The following TCHH variants were observed in gnomAD, a reference collection of about 807,000 sequenced individuals.
TCHH encodes trichohyalin.
In TCHH, 6 loss-of-function variants were observed where a neutral mutation model predicts 6.3. The observed-to-expected ratio is 0.95, with a 90% CI of 0.52 to 1.88. The LOEUF (loss-of-function observed/expected upper bound fraction) is 1.88, where lower values mean the gene tolerates loss of function less well. Among genes scored for constraint, TCHH ranks in the 40% most tolerant of loss-of-function variants. The pLI, the probability that TCHH is intolerant of heterozygous loss-of-function variation, is 0.01. For missense variants in TCHH, 2,920 were observed against 2,449.1 expected, an observed-to-expected ratio of 1.19 and a Z score of -4.06; for synonymous variants, 1,087 against 963.6, an observed-to-expected ratio of 1.13 and a Z score of -2.37.
chr1:152,114,079 ATT>A lies in TCHH; in HGVS notation c.-1_1del. The A allele has an allele frequency of 6.3e-7, 1 of 1,587,158 alleles. No individual in the cohort carries two copies. The highest frequency in any genetic ancestry group is 1.2e-5 in the South Asian group (1 of 86,126). On this transcript the variant is annotated start_lost and start_retained_variant and 5_prime_UTR_variant, in exon 2 of 3. Coordinates refer to ENST00000614923, the MANE Select transcript of TCHH (RefSeq NM_007113.4). ...ACAGATGCTTCTCAGAAGTGGAGAC[ATT>A]TTTTTTTCTTTCCTTCAAGTTCAAG... is the stretch of plus-strand genomic sequence containing the variant.
In TCHH at chr1:152,108,756, G is replaced by A. The variant is rs1557808958; in HGVS notation, c.4461C>T (p.Phe1487=). 1.2e-6 allele frequency: 2 copies of A among 1,611,852 alleles called. No homozygotes were observed. Among genetic ancestry groups the A allele is most frequent in the Non-Finnish European group, 8.5e-7 (1 of 1,179,518 alleles). ...QLHRQERDRK[F]LEEEQQLRRQ... ...GGCGCAGCTGTTGTTCCTCCTCCAGGAATTTTCTGTCACGCTCTTGGCGGT... is the reference window on the plus strand; with the variant it reads ...GGCGCAGCTGTTGTTCCTCCTCCAGAAATTTTCTGTCACGCTCTTGGCGGT... The change falls in exon 3 of 3, where the codon TTC becomes TTT. Residue 1487 remains phenylalanine (F), a synonymous_variant. Transcript: ENST00000614923.
rs1226480094 is a variant in TCHH at position 152,107,707 on chromosome 1, A to T, written c.5510T>A (p.Leu1837Gln). Residue 1837 changes from leucine (L) to glutamine (Q), a missense_variant, in exon 3 of 3, where the codon CTG (leucine) becomes CAG (glutamine). Transcript: ENST00000614923. The stretch of plus-strand genomic sequence containing the variant: ...GTACTGCCGGTCTCGCTCCTGCCGC[A>T]GCCTCTGCTCTTGTTCCTCAAGTTG... ...QLQLEEQEQR[L>Q]RQERDRQYRA... 1.9e-6 allele frequency: 3 copies of T among 1,613,308 alleles called. No individual in the cohort carries two copies. The highest frequency in any genetic ancestry group is 3.3e-5 in the Admixed American group (2 of 59,980).
Position 152,109,225 on chromosome 1 carries a change from C to G in TCHH, c.3992G>C (p.Arg1331Pro), listed in dbSNP as rs147036704. The change falls in exon 3 of 3, where the codon CGT becomes CCT. Residue 1331 changes from arginine to proline, a missense_variant. Physicochemically the swap from Arg to Pro is moderately radical, Grantham distance 103 (BLOSUM62 -2). Coordinates refer to ENST00000614923, the MANE Select transcript of TCHH (RefSeq NM_007113.4). ...LREEREEKRRRQETDRKFREE... is the reference protein window; with the variant it reads ...LREEREEKRRPQETDRKFREE... ...GCGGAATTTTCTGTCTGTCTCTTGACGGCGTCTCTTCTCTTCTCTTTCCTC... is the reference window on the plus strand; with the variant it reads ...GCGGAATTTTCTGTCTGTCTCTTGAGGGCGTCTCTTCTCTTCTCTTTCCTC... 733 of 1,614,244 alleles carry G rather than the reference C, an allele frequency of 4.5e-4. 8 individuals are homozygous for G. In the East Asian group the frequency reaches 0.012, roughly 26 times the overall value.
At position 152,109,929 on chromosome 1, in the gene TCHH, C is replaced by G. The variant is rs778044635; in HGVS notation, c.3288G>C (p.Glu1096Asp). Residue 1096 changes from glutamate to aspartate, a missense_variant, in exon 3 of 3, where the codon GAG becomes GAC. Coordinates refer to ENST00000614923, the MANE Select transcript of TCHH (RefSeq NM_007113.4). Reference sequence around the variant, plus strand: ...CCTGGCGCCTTCTCTTCTCCGGTTCCTCTCTCAGCAGCTGCTCTTCCTCCT... The same window carrying G: ...CCTGGCGCCTTCTCTTCTCCGGTTCGTCTCTCAGCAGCTGCTCTTCCTCCT... ...LQQEEEQLLR[E>D]EPEKRRRQER... 6.3e-7 allele frequency: 1 copy of G among 1,592,184 alleles called. No homozygotes were observed. Among genetic ancestry groups the G allele is most frequent in the Non-Finnish European group, 8.5e-7 (1 of 1,171,278 alleles).
Position 152,107,305 on chromosome 1 carries a change from G to A in TCHH, c.*80C>T. 7.3e-7 allele frequency: 1 copy of A among 1,362,184 alleles called. No homozygotes were observed. The highest frequency in any genetic ancestry group is 9.9e-7 in the Non-Finnish European group (1 of 1,005,700). The allele number at this position is 1,362,184 out of a possible 1,614,324, so 84.4% of individuals were successfully genotyped here. A position where few individuals can be genotyped will look rare whatever the true frequency, so the allele number is the denominator to read the frequency against. On this transcript the variant is annotated 3_prime_UTR_variant, in exon 3 of 3. Coordinates refer to ENST00000614923, the MANE Select transcript of TCHH (RefSeq NM_007113.4). Reference sequence around the variant, plus strand: ...AGTTTTCCCACAACCAGAAACATCTGAGTTATCACTTGGTACCCAGTGTTT... The same window carrying A: ...AGTTTTCCCACAACCAGAAACATCTAAGTTATCACTTGGTACCCAGTGTTT...
rs768766096 is a variant in TCHH, at chr1:152,107,710, C to T, written c.5507G>A (p.Arg1836Lys). Residue 1836 changes from arginine to lysine, a missense_variant, in exon 3 of 3, where the codon AGG (arginine) becomes AAG (lysine). Coordinates refer to ENST00000614923, the MANE Select transcript of TCHH (RefSeq NM_007113.4). ...CTGCCGGTCTCGCTCCTGCCGCAGC[C>T]TCTGCTCTTGTTCCTCAAGTTGGAG... ...EQLQLEEQEQ[R>K]LRQERDRQYR... The T allele has an allele frequency of 9.3e-6, 15 of 1,614,236 alleles. No individual in the cohort carries two copies. The South Asian group carries it at 1.6e-4, about 18-fold the overall frequency.
In TCHH at chr1:152,108,214, T is replaced by C. The variant is rs1336191692; in HGVS notation, c.5003A>G (p.Lys1668Arg). Residue 1668 changes from lysine (K) to arginine (R), a missense_variant, in exon 3 of 3, where the codon AAA (lysine) becomes AGA (arginine). Transcript: ENST00000614923. ...EQQLRHDRDR[K>R]FREEEQLLQE... ...GAGCAGCTGTTCCTCTTCACGGAATTTTCTGTCGCGGTCGTGACGCAGCTG... is the reference window on the plus strand; with the variant it reads ...GAGCAGCTGTTCCTCTTCACGGAATCTTCTGTCGCGGTCGTGACGCAGCTG... 1 of 1,607,882 alleles carries C rather than the reference T, an allele frequency of 6.2e-7. No individual in the cohort carries two copies.
In TCHH at chr1:152,107,906, T is replaced by C. The variant is rs1334526169; in HGVS notation, c.5311A>G (p.Arg1771Gly). The change falls in exon 3 of 3, where the codon AGA becomes GGA. Residue 1771 changes from arginine to glycine, a missense_variant. Arg to Gly is a moderately radical substitution (Grantham distance 125, BLOSUM62 -2). Coordinates refer to ENST00000614923, the MANE Select transcript of TCHH (RefSeq NM_007113.4). Reference sequence around the variant, plus strand: ...AGCTGTTCCTCCTCGCGGAATTTTCTGTCGCGCTCCTGGCGGCGCAGCTGC... The same window carrying C: ...AGCTGTTCCTCCTCGCGGAATTTTCCGTCGCGCTCCTGGCGGCGCAGCTGC... ...EQQLRRQERD[R>G]KFREEEQLRQ... is the part of the protein sequence containing the mutation. 6.2e-7 allele frequency: 1 copy of C among 1,613,782 alleles called. No individual in the cohort carries two copies. Among genetic ancestry groups the C allele is most frequent in the Admixed American group, 1.7e-5 (1 of 59,994 alleles).
At position 152,112,914 on chromosome 1, in the gene TCHH, G is replaced by T. The variant is rs776147739; in HGVS notation, c.303C>A (p.Ala101=). ...ACAGGCTCTCCTTTCCGTCACACCG[G>T]GCTCGCTTCTCCTCATCCAGTCCCG... The part of the protein sequence containing the change: ...QATGLDEEKR[A]RCDGKESLLQ... The change falls in exon 3 of 3, where the codon GCC becomes GCA. Residue 101 remains alanine, a synonymous_variant. Transcript: ENST00000614923. 2 of 1,613,686 alleles carry T rather than the reference G, an allele frequency of 1.2e-6. No homozygotes were observed. The highest frequency in any genetic ancestry group is 4.5e-5 in the East Asian group (2 of 44,828).
In TCHH at chr1:152,110,932, T is replaced by G; in HGVS notation, c.2285A>C (p.Glu762Ala). ...CTGCCATGTGAAGTCCCGGCGCTGC[T>G]CCTCTTCCTGCTGCTGCCGGTGAGC... ...ERAHRQQQEEEQRRDFTWQWQ... is the reference protein window; with the variant it reads ...ERAHRQQQEEAQRRDFTWQWQ... The change falls in exon 3 of 3, where the codon GAG becomes GCG. Residue 762 changes from glutamate (E) to alanine (A), a missense_variant. Physicochemically the swap from Glu to Ala is moderately radical, Grantham distance 107. Transcript: ENST00000614923. The G allele has an allele frequency of 6.2e-7, 1 of 1,613,220 alleles. No homozygotes were observed. Among genetic ancestry groups the G allele is most frequent in the African/African-American group, 1.3e-5 (1 of 74,982 alleles).
Position 152,109,154 on chromosome 1 carries a change from G to T in TCHH, c.4063C>A (p.Arg1355Ser). The change falls in exon 3 of 3, where the codon CGC (arginine) becomes AGC (serine). Residue 1355 changes from arginine (R) to serine (S), a missense_variant. Physicochemically the swap from Arg to Ser is moderately radical, Grantham distance 110. Coordinates refer to ENST00000614923, the MANE Select transcript of TCHH (RefSeq NM_007113.4). The part of the protein sequence containing the change: ...LQEREEQPLR[R>S]QERDRKFREE... ...CGGAATTTTCTGTCACGCTCTTGGCGGCGCAGCGGCTGTTCCTCCCTTTCC... is the reference window on the plus strand; with the variant it reads ...CGGAATTTTCTGTCACGCTCTTGGCTGCGCAGCGGCTGTTCCTCCCTTTCC... The T allele has an allele frequency of 6.2e-7, 1 of 1,613,870 alleles. No homozygotes were observed. Among genetic ancestry groups the T allele is most frequent in the Non-Finnish European group, 8.5e-7 (1 of 1,179,782 alleles).
rs1470231217 is a variant in TCHH at position 152,110,654 on chromosome 1, C to T, written c.2563G>A (p.Gly855Ser). 4 of 1,613,800 alleles carry T rather than the reference C, an allele frequency of 2.5e-6. No homozygotes were observed. Among genetic ancestry groups the T allele is most frequent in the East Asian group, 2.2e-5 (1 of 44,854 alleles). ...RAQQLQEEED[G>S]LQEDQERRRS... ...CTCCTCTCCTGATCCTCCTGGAGGCCGTCCTCCTCCTCCTGGAGCTGTTGG... is the reference window on the plus strand; with the variant it reads ...CTCCTCTCCTGATCCTCCTGGAGGCTGTCCTCCTCCTCCTGGAGCTGTTGG... The change falls in exon 3 of 3, where the codon GGC becomes AGC. Residue 855 changes from glycine (G) to serine (S), a missense_variant. Transcript: ENST00000614923.
In TCHH at chr1:152,113,963, C is replaced by G. The variant is rs1264305416; in HGVS notation, c.118G>C (p.Glu40Gln). 6.2e-7 allele frequency: 1 copy of G among 1,613,396 alleles called. No individual in the cohort carries two copies. Among genetic ancestry groups the G allele is most frequent in the Non-Finnish European group, 8.5e-7 (1 of 1,179,724 alleles). ...KKDLKNLLER[E>Q]FGAVLRRPHD... ...CTTACCCGAAGCACAGCTCCAAATT[C>G]CCTTTCAAGGAGGTTCTTCAGGTCT... is the stretch of plus-strand genomic sequence containing the variant. Residue 40 changes from glutamate (E) to glutamine (Q), a missense_variant, in exon 2 of 3, where the codon GAA becomes CAA. Glu to Gln is a conservative substitution (Grantham distance 29, BLOSUM62 2). Coordinates refer to ENST00000614923, the MANE Select transcript of TCHH (RefSeq NM_007113.4).
In TCHH at chr1:152,111,153, C is replaced by T. The variant is rs1658327283; in HGVS notation, c.2064G>A (p.Glu688=). Residue 688 remains glutamate, a synonymous_variant, in exon 3 of 3, where the codon GAG becomes GAA. Transcript: ENST00000614923. ...TCCGCTCCCGGGCCTGTTCCTGCTC[C>T]TCCTCAGCTAGCTCCTGCTCGCGCC... is the stretch of plus-strand genomic sequence containing the variant. ...EERREQELAE[E]EQEQARERIK... is the part of the protein sequence containing the mutation. The T allele has an allele frequency of 1.2e-6, 2 of 1,613,798 alleles. No individual in the cohort carries two copies. The highest frequency in any genetic ancestry group is 1.3e-5 in the African/African-American group (1 of 74,910).
rs2101527399 is a variant in TCHH, at chr1:152,109,782, C to T, written c.3435G>A (p.Glu1145=). Residue 1145 remains glutamate (E), a synonymous_variant, in exon 3 of 3, where the codon GAG becomes GAA. Coordinates refer to ENST00000614923, the MANE Select transcript of TCHH (RefSeq NM_007113.4). ...GCAGCTGCTCTTCCTCCTGCTGCAC[C>T]TCCTCTTCCTCCCGATATTGCCTCT... ...ELERQYREEE[E]VQQEEEQLLR... is the part of the protein sequence containing the mutation. 2 of 1,584,038 alleles carry T rather than the reference C, an allele frequency of 1.3e-6. No individual in the cohort carries two copies. Among genetic ancestry groups the T allele is most frequent in the South Asian group, 2.2e-5 (2 of 89,250 alleles).
rs377303180 is a variant in TCHH at position 152,111,241 on chromosome 1, A to G, written c.1976T>C (p.Leu659Pro). Residue 659 changes from leucine (L) to proline (P), a missense_variant, in exon 3 of 3, where the codon CTG becomes CCG. By Grantham distance (98) the Leu-to-Pro change is moderately conservative (BLOSUM62 -3). Transcript: ENST00000614923. ...CCTCTCTTCCTCCTCCTCGCGCTTC[A>G]GCCGCTGCTCGCGCCTTTCCTGCTG... ...REQQERREQR[L>P]KREEEEERLE... 58 of 1,593,124 alleles carry G rather than the reference A, an allele frequency of 3.6e-5. No individual in the cohort carries two copies. Among genetic ancestry groups the G allele is most frequent in the Non-Finnish European group, 4.4e-5 (52 of 1,172,226 alleles).
At position 152,107,888 on chromosome 1, in the gene TCHH, C is replaced by G; in HGVS notation, c.5329G>C (p.Glu1777Gln). 6.2e-7 allele frequency: 1 copy of G among 1,613,908 alleles called. No individual in the cohort carries two copies. Among genetic ancestry groups the G allele is most frequent in the Non-Finnish European group, 8.5e-7 (1 of 1,179,952 alleles). Residue 1777 changes from glutamate to glutamine, a missense_variant, in exon 3 of 3, where the codon GAA (glutamate) becomes CAA (glutamine). Transcript: ENST00000614923. Reference protein sequence around the residue: ...QERDRKFREEEQLRQEREEQQ... With the variant: ...QERDRKFREEQQLRQEREEQQ... ...TCCTCCCTCTCCTGGCGGAGCTGTT[C>G]CTCCTCGCGGAATTTTCTGTCGCGC...
chr1:152,112,255 C>A lies in TCHH; in HGVS notation c.962G>T (p.Arg321Met), dbSNP rs753716550. ...EEERREQQEE[R>M]REQQERREQQ... ...CTCGCGCCTCTCCTGCTGCTCGCGC[C>A]TCTCCTCCTGCTGCTCGCGCCTCTC... Residue 321 changes from arginine to methionine, a missense_variant, in exon 3 of 3, where the codon AGG becomes ATG. Coordinates refer to ENST00000614923, the MANE Select transcript of TCHH (RefSeq NM_007113.4). 6.3e-7 allele frequency: 1 copy of A among 1,599,102 alleles called. No homozygotes were observed. The highest frequency in any genetic ancestry group is 8.5e-7 in the Non-Finnish European group (1 of 1,176,916).
chr1:152,110,233 T>C lies in TCHH; in HGVS notation c.2984A>G (p.Glu995Gly). The change falls in exon 3 of 3, where the codon GAG becomes GGG. Residue 995 changes from glutamate (E) to glycine (G), a missense_variant. Glu to Gly is a moderately conservative substitution (Grantham distance 98). Transcript: ENST00000614923. ...CAGCTGCTCTTCCTCCTGCTGCAAC[T>C]CCTCTTCCTCGCGGTATTTTTTCTC... ...EREKKYREEE[E>G]LQQEEEQLLR... is the part of the protein sequence containing the mutation. 1.2e-6 allele frequency: 2 copies of C among 1,608,138 alleles called. No individual in the cohort carries two copies. The highest frequency in any genetic ancestry group is 4.5e-5 in the East Asian group (2 of 44,380).
Sources: gnomAD v4.1 joint callset for allele counts on GRCh38, gnomAD v4.1.1 for gene constraint, MANE v1.5 for transcripts, NCBI Gene and HGNC (gene_info 2026-07-23, HGNC 2026-07-21) for gene names.